KSR2: variants seen among roughly 807,000 people sequenced by gnomAD.
KSR2 encodes kinase suppressor of ras 2.
KSR2 carries 25 observed loss-of-function variants against 107.8 expected under a neutral mutation model. That is an observed-to-expected ratio of 0.23 (90% CI 0.17 to 0.32). The LOEUF is 0.32. Ranked by LOEUF, KSR2 falls within the 10% of genes least tolerant of loss-of-function variation. The pLI is 1.00. For missense variants in KSR2, 887 were observed against 1,268.9 expected, an observed-to-expected ratio of 0.70 and a Z score of 4.57; for synonymous variants, 480 against 507.0, an observed-to-expected ratio of 0.95 and a Z score of 0.71.
At chr12:117,656,678 A>G (rs944711260) in intron 5 of KSR2, among the ~76,000 whole-genome samples, 3 of 152,086 alleles carry the variant, frequency 2.0e-5, no homozygotes, top group Admixed American at 2.0e-4. Flanking sequence ...GGTGGGTACA[A>G]TCTAATCAGC....
rs1402632663 is a variant in KSR2, at chr12:117,460,508, G to A, written c.*6691C>T. The A allele has an allele frequency of 1.3e-5, 2 of 152,196 alleles. No homozygotes were observed. Among genetic ancestry groups the A allele is most frequent in the Non-Finnish European group, 2.9e-5 (2 of 68,062 alleles). The allele number at this position is 152,196 out of a possible 1,614,324, so 9.4% of individuals were successfully genotyped here. On this transcript the variant is annotated 3_prime_UTR_variant, in exon 20 of 20. Transcript: ENST00000339824. The stretch of plus-strand genomic sequence containing the variant: ...TGTACATTTCCTGGAAATCCGGGCT[G>A]CTGCTGGCAGCCTGTCAGTTTGAGA...
chr12:117,685,572 C>G (rs957276449), intron 4 of KSR2, among the ~76,000 whole-genome samples: 1 of 152,264 alleles, frequency 6.6e-6, no homozygotes, highest in East Asian at 1.9e-4. Flanking sequence ...CCAGTGCTAG[C>G]TTCTGCCCGC....
chr12:117,915,809 TAA>T (rs1895154545), intron 1 of KSR2, among the ~76,000 whole-genome samples: 2 of 152,170 alleles, frequency 1.3e-5, no homozygotes, highest in Non-Finnish European at 2.9e-5. Flanking sequence ...TTAAAAATTT[TAA>T]AAGTTAGTTG....
chr12:117,717,058 G>T (rs1418419243), intron 4 of KSR2, among the ~76,000 whole-genome samples: 1 of 152,176 alleles, frequency 6.6e-6, no homozygotes, highest in African/African-American at 2.4e-5. Context: ...GAGGAGTTTG[G>T]CAAGACAAGT....
intron 5 of KSR2, among the ~76,000 whole-genome samples, chr12:117,596,014 C>T (rs993157263): frequency 6.6e-6 from 1 of 152,038 alleles, no homozygotes; most frequent in African/African-American, 2.4e-5. Context: ...TCTCCAGTTA[C>T]CCTTCCTTTC....
At chr12:117,579,917 A>C (rs1414583520) in intron 6 of KSR2, among the ~76,000 whole-genome samples, 1 of 152,174 alleles carries the variant, frequency 6.6e-6, no homozygotes, top group Non-Finnish European at 1.5e-5. Context: ...CTCCCTGGGC[A>C]CATCTCCCCT....
At chr12:117,826,192 T>C (rs1593274558) in intron 3 of KSR2, among the ~76,000 whole-genome samples, 1 of 152,140 alleles carries the variant, frequency 6.6e-6, no homozygotes, top group East Asian at 1.9e-4. Flanking sequence ...TTCTGATCCA[T>C]GTTCAGGAAA....
At chr12:117,485,041 G>C (rs1020148466) in intron 15 of KSR2, among the ~76,000 whole-genome samples, 1 of 152,142 alleles carries the variant, frequency 6.6e-6, no homozygotes, top group East Asian at 1.9e-4. Flanking sequence ...CTAGAGTTGT[G>C]GTGGTTTCTT....
At chr12:117,567,071 G>T (rs1391660520) in intron 7 of KSR2, among the ~76,000 whole-genome samples, 3 of 152,214 alleles carry the variant, frequency 2.0e-5, no homozygotes, top group African/African-American at 7.2e-5. Context: ...GAACCGTCCA[G>T]AAATGAGATG....
chr12:117,782,924 C>T (rs1404476948), intron 3 of KSR2, among the ~76,000 whole-genome samples: 1 of 152,110 alleles, frequency 6.6e-6, no homozygotes, highest in Admixed American at 6.6e-5. Flanking sequence ...TGGGGGACTA[C>T]ACATAATAAT....
At chr12:117,467,822 T>C (rs1361900885) in intron 19 of KSR2, 6 of 362,826 alleles carry the variant, frequency 1.7e-5, no homozygotes, top group South Asian at 8.7e-5. Flanking sequence ...TCAGTACACA[T>C]AGGCTGAATA....
intron 3 of KSR2, 112 bp from the exon 4 acceptor site, chr12:117,761,636 C>G: frequency 1.0e-6 from 1 of 984,916 alleles, no homozygotes; most frequent in Non-Finnish European, 1.6e-6. Context: ...CCCATTACAT[C>G]ATGTGCATGT....
chr12:117,643,362 G>T (rs907679912), intron 5 of KSR2, among the ~76,000 whole-genome samples: 1 of 152,086 alleles, frequency 6.6e-6, no homozygotes, highest in Non-Finnish European at 1.5e-5. Flanking sequence ...CAGGAGAATC[G>T]CTTGAATCTG....
intron 1 of KSR2, among the ~76,000 whole-genome samples, chr12:117,906,752 A>G (rs1894864931): frequency 6.6e-6 from 1 of 152,182 alleles, no homozygotes; most frequent in African/African-American, 2.4e-5. Context: ...GCTTGTTAAA[A>G]TACACATCAC....
At chr12:117,905,762 A>C (rs1051012763) in intron 1 of KSR2, among the ~76,000 whole-genome samples, 1 of 152,124 alleles carries the variant, frequency 6.6e-6, no homozygotes, top group African/African-American at 2.4e-5. Flanking sequence ...GGTCCGTGAT[A>C]CAAGGAAAAT....
intron 1 of KSR2, among the ~76,000 whole-genome samples, chr12:117,965,643 A>G (rs1280745401): frequency 1.3e-5 from 2 of 152,236 alleles, no homozygotes; most frequent in Non-Finnish European, 2.9e-5. Flanking sequence ...AGTTTTCACC[A>G]TTAAAGAGCT....
At chr12:117,575,090 C>T (rs1335472432) in intron 7 of KSR2, among the ~76,000 whole-genome samples, 1 of 152,104 alleles carries the variant, frequency 6.6e-6, no homozygotes, top group African/African-American at 2.4e-5. Flanking sequence ...CTTTGTCCAC[C>T]TTCTTAGCAT....
At chr12:117,936,585 C>T (rs924426291) in intron 1 of KSR2, among the ~76,000 whole-genome samples, 21 of 148,464 alleles carry the variant, frequency 1.4e-4, no homozygotes, top group Non-Finnish European at 3.0e-4. Flanking sequence ...GAGACAGGGT[C>T]TCGCTTTGTT....
chr12:117,463,549 T>C lies in KSR2; in HGVS notation c.*3650A>G, dbSNP rs185702708. The C allele has an allele frequency of 3.3e-5, 5 of 152,310 alleles. 1 individual carries two copies. 9.4% of individuals were successfully genotyped at this position (152,310 alleles called of 1,614,324 possible). On this transcript the variant is annotated 3_prime_UTR_variant, in exon 20 of 20. Coordinates refer to ENST00000339824, the MANE Select transcript of KSR2 (RefSeq NM_173598.6). ...AGAGGTGACTGTGCTCCAATAACAT[T>C]TTGTTTATTGACATGAAATTTGAAT... is the stretch of plus-strand genomic sequence containing the variant.
Sources: allele counts gnomAD v4.1 joint callset (sites outside exome capture counted in the v4.1 genomes callset), GRCh38; gene constraint gnomAD v4.1.1; transcripts MANE v1.5; gene names NCBI Gene and HGNC (gene_info 2026-07-23, HGNC 2026-07-21).